ESPL1: variants seen among roughly 807,000 people sequenced by gnomAD.
ESPL1 encodes the protein extra spindle pole bodies like 1, separase.
In ESPL1, 50 loss-of-function variants were observed where a neutral mutation model predicts 217.2. The observed-to-expected ratio is 0.23, with a 90% CI of 0.18 to 0.29. The LOEUF (loss-of-function observed/expected upper bound fraction) is 0.29, where lower values mean the gene tolerates loss of function less well. ESPL1 is among the 10% of genes least tolerant of loss of function. ESPL1 has a pLI of 1.00. For missense variants in ESPL1, 1,834 were observed against 2,603.0 expected (o/e 0.70, Z 6.43); for synonymous variants, 994 against 1,081.3 (o/e 0.92, Z 1.58).
chr12:53,281,562 C>G lies in ESPL1; in HGVS notation c.2555C>G (p.Thr852Arg). 2 of 1,613,678 alleles carry G rather than the reference C, an allele frequency of 1.2e-6. No individual in the cohort carries two copies. The highest frequency in any genetic ancestry group is 2.2e-5 in the South Asian group (2 of 91,072). ...SLKHLDQTTD[T>R]YLLLSLTCDL... is the part of the protein sequence containing the mutation. ...AAGCATCTCGATCAGACTACTGACA[C>G]ATACCTGCTCCTTTCCCTGACCTGT... Residue 852 changes from threonine to arginine, a missense_variant, in exon 13 of 31, where the codon ACA (threonine) becomes AGA (arginine). Thr to Arg is a moderately conservative substitution (Grantham distance 71, BLOSUM62 -1). Transcript: ENST00000257934.
chr12:53,281,497 G>T lies in ESPL1; in HGVS notation c.2500-10G>T. 6.2e-7 allele frequency: 1 copy of T among 1,612,256 alleles called. No individual in the cohort carries two copies. The highest frequency in any genetic ancestry group is 8.5e-7 in the Non-Finnish European group (1 of 1,179,048). On this transcript the variant is annotated splice_polypyrimidine_tract_variant and intron_variant, in intron 12 of 30. Transcript: ENST00000257934. ...GCCTTTCCTCATGTGCCCTCTGATTGCTTCCTTAGTTACACCTGGAAGAGG... is the reference window on the plus strand; with the variant it reads ...GCCTTTCCTCATGTGCCCTCTGATTTCTTCCTTAGTTACACCTGGAAGAGG...
Position 53,289,137 on chromosome 12 carries a change from C to T in ESPL1, c.4756C>T (p.Arg1586Trp), listed in dbSNP as rs1944008820. The T allele has an allele frequency of 3.7e-6, 6 of 1,614,052 alleles. No homozygotes were observed. Among genetic ancestry groups the T allele is most frequent in the South Asian group, 1.1e-5 (1 of 91,088 alleles). Residue 1586 changes from arginine (R) to tryptophan (W), a missense_variant, in exon 21 of 31, where the codon CGG becomes TGG. Transcript: ENST00000257934. ...CTGTGACTCCCTGAGTGTTGCTTTC[C>T]GGGGCATTAGTCACTGTCCTCCTAG... ...SICDSLSVAF[R>W]GISHCPPSGL... is the part of the protein sequence containing the mutation.
At chr12:53,283,957 G>T (rs1592489970) in intron 16 of ESPL1, 101 bp from the exon 17 acceptor site, 2 of 853,600 alleles carry the variant, frequency 2.3e-6, no homozygotes, top group East Asian at 2.4e-5. Context: ...TGGAGGCAGG[G>T]AAGGACTCAG....
intron 12 of ESPL1, among the ~76,000 whole-genome samples, chr12:53,281,220 C>T (rs1943856276): frequency 6.8e-6 from 1 of 146,580 alleles, no homozygotes; most frequent in African/African-American, 2.5e-5. Context: ...TCACTGCAAC[C>T]TCTGCCTCTC....
intron 5 of ESPL1, 88 bp from the exon 6 acceptor site, chr12:53,272,633 C>A: frequency 6.8e-7 from 1 of 1,476,916 alleles, no homozygotes; most frequent in Non-Finnish European, 9.2e-7. Flanking sequence ...GAACTGACCA[C>A]AGATCCAGCT....
chr12:53,285,935 G>A lies in ESPL1; in HGVS notation c.3199G>A (p.Val1067Met). ...LLESCTEFGGVTQHLDSVKKV... is the reference protein window; with the variant it reads ...LLESCTEFGGMTQHLDSVKKV... ...TGCCTTCTCCCCAGAGTTTGGTGGG[G>A]TGACTCAGCACCTGGACTCTGTGAA... The change falls in exon 18 of 31, where the codon GTG becomes ATG. Residue 1067 changes from valine to methionine, a missense_variant. Coordinates refer to ENST00000257934, the MANE Select transcript of ESPL1 (RefSeq NM_012291.5). 1 of 1,520,660 alleles carries A rather than the reference G, an allele frequency of 6.6e-7. No individual in the cohort carries two copies. 94.2% of individuals were successfully genotyped at this position (1,520,660 alleles called of 1,614,324 possible). A position where few individuals can be genotyped will look rare whatever the true frequency, so the allele number is the denominator to read the frequency against.
At chr12:53,273,836 GTTTTTTTTTTT>G (rs71096001) in intron 6 of ESPL1, among the ~76,000 whole-genome samples, 3 of 63,154 alleles carry the variant, frequency 4.8e-5, no homozygotes, top group Non-Finnish European at 7.9e-5. Flanking sequence ...TGGTTTTTTG[GTTTTTTTTTTT>G]TTTTTTTTTT....
chr12:53,278,184 AATAGGGGCCATGCT>A lies in ESPL1; in HGVS notation c.2364+226_2364+239del, dbSNP rs1392217854. 1.1e-3 allele frequency among the ~76,000 whole-genome samples: 166 copies of A among 152,284 alleles called. 1 individual carries two copies. Among genetic ancestry groups the A allele is most frequent in the Non-Finnish European group, 1.5e-5 (1 of 68,024 alleles). ...TAAGCCCAAGTTTCCTTATCTCTAAAATAGGGGCCATGCTACTGCCTCGTGGCGTTATTATTCAG... is the reference window on the plus strand; with the variant it reads ...TAAGCCCAAGTTTCCTTATCTCTAAAACTGCCTCGTGGCGTTATTATTCAG... On this transcript the variant is annotated intron_variant, in intron 11 of 30. Coordinates refer to ENST00000257934, the MANE Select transcript of ESPL1 (RefSeq NM_012291.5).
chr12:53,287,517 A>G (rs571491500), intron 18 of ESPL1: 1 of 154,618 alleles, frequency 6.5e-6, no homozygotes, highest in African/African-American at 2.4e-5. Flanking sequence ...GGCGGGTGCC[A>G]CCACACCCAG....
At chr12:53,283,914 C>G in intron 16 of ESPL1, 144 bp from the exon 17 acceptor site, 1 of 681,372 alleles carries the variant, frequency 1.5e-6, no homozygotes, top group South Asian at 1.7e-5. Flanking sequence ...CCCCAGGGAG[C>G]CTTTAAGTCA....
Position 53,281,624 on chromosome 12 carries a change from A to C in ESPL1, c.2617A>C (p.Lys873Gln), listed in dbSNP as rs1226999486. The C allele has an allele frequency of 6.2e-7, 1 of 1,612,522 alleles. No individual in the cohort carries two copies. The highest frequency in any genetic ancestry group is 1.1e-5 in the South Asian group (1 of 90,854). Residue 873 changes from lysine to glutamine, a missense_variant and splice_region_variant, in exon 13 of 31, where the codon AAG becomes CAG. By Grantham distance (53) the Lys-to-Gln change is moderately conservative. Around this residue, in one of 5 missense-constraint regions of ESPL1, gnomAD observed 746 missense variants for 1,077.0 expected, o/e 0.69. Transcript: ENST00000257934. ...AAGTCAACTCTACTGGACTCACCAG[A>C]AGGTATTTCTCACTTTCTTAAACTC... ...LRSQLYWTHQ[K>Q]VTKGVSLLLS... is the part of the protein sequence containing the mutation.
chr12:53,286,543 C>T lies in ESPL1; in HGVS notation c.3807C>T (p.Leu1269=). The T allele has an allele frequency of 1.2e-6, 2 of 1,614,198 alleles. No homozygotes were observed. Among genetic ancestry groups the T allele is most frequent in the East Asian group, 2.2e-5 (1 of 44,888 alleles). ...PHLEPWRASL[L]LIWALTKLGG... ...TAGAGCCCTGGCGAGCCAGCCTGCT[C>T]TTGATTTGGGCCCTCACAAAACTAG... Residue 1269 remains leucine, a synonymous_variant, in exon 18 of 31, where the codon CTC becomes CTT. Transcript: ENST00000257934. The surrounding 1 kb of genome is among the most constrained non-coding windows in gnomAD (Gnocchi z 5.3).
chr12:53,290,124 C>T lies in ESPL1; in HGVS notation c.5153C>T (p.Pro1718Leu), dbSNP rs1320906961. The T allele has an allele frequency of 6.2e-7, 1 of 1,613,438 alleles. No individual in the cohort carries two copies. The highest frequency in any genetic ancestry group is 8.5e-7 in the Non-Finnish European group (1 of 1,180,020). Residue 1718 changes from proline to leucine, a missense_variant, in exon 23 of 31, where the codon CCC (proline) becomes CTC (leucine). Coordinates refer to ENST00000257934, the MANE Select transcript of ESPL1 (RefSeq NM_012291.5). ...GTGTTGGCCCTGGCCACCCTCCAGC[C>T]CGGAACCGTGGGCAACACCCTCCTG... ...VCVLALATLQ[P>L]GTVGNTLLLT... is the part of the protein sequence containing the mutation.
chr12:53,293,199 C>G lies in ESPL1; in HGVS notation c.6162-74C>G, dbSNP rs1047766815. ...TCAATCCTCTCCACTCACCCACCCC[C>G]ACCACCAATGGTGTTTTCCTATGTA... is the stretch of plus-strand genomic sequence containing the variant. On this transcript the variant is annotated intron_variant, in intron 30 of 30. Coordinates refer to ENST00000257934, the MANE Select transcript of ESPL1 (RefSeq NM_012291.5). The surrounding 1 kb of genome is among the most constrained non-coding windows in gnomAD (Gnocchi z 4.2). 3.1e-6 allele frequency: 4 copies of G among 1,307,542 alleles called. No individual in the cohort carries two copies. The Admixed American group carries it at 7.0e-5, about 23-fold the overall frequency. The allele number at this position is 1,307,542 out of a possible 1,614,324, so 81.0% of individuals were successfully genotyped here.
intron 6 of ESPL1, chr12:53,274,482 G>A (rs1943729741): frequency 4.4e-6 from 1 of 227,948 alleles, no homozygotes; most frequent in Non-Finnish European, 8.8e-6. Context: ...TGACTGGCGG[G>A]AGGGAGAGCG....
At chr12:53,275,978 T>C (rs1943760206) in intron 7 of ESPL1, among the ~76,000 whole-genome samples, 1 of 152,178 alleles carries the variant, frequency 6.6e-6, no homozygotes. Flanking sequence ...GACCTGAGGA[T>C]GTGAAGGAAT....
intron 22 of ESPL1, 94 bp from the exon 23 acceptor site, chr12:53,289,991 G>C: frequency 6.9e-7 from 1 of 1,450,440 alleles, no homozygotes; most frequent in Non-Finnish European, 9.5e-7. Flanking sequence ...GCTTCTTGAT[G>C]CTGGCTTGAG....
In ESPL1 at chr12:53,290,092, T is replaced by G. The variant is rs1944025521; in HGVS notation, c.5121T>G (p.Thr1707=). 6.2e-7 allele frequency: 1 copy of G among 1,609,256 alleles called. No homozygotes were observed. The highest frequency in any genetic ancestry group is 1.7e-5 in the Admixed American group (1 of 59,792). Residue 1707 remains threonine, a synonymous_variant, in exon 23 of 31, where the codon ACT becomes ACG. Transcript: ENST00000257934. ...CTGTATCCTGTGTGTCAGGGGTGAC[T>G]GTGTGTGTGTTGGCCCTGGCCACCC... ...ERLALIPSGV[T]VCVLALATLQ...
intron 6 of ESPL1, among the ~76,000 whole-genome samples, chr12:53,273,816 C>G (rs993419481): frequency 6.8e-6 from 1 of 146,738 alleles, no homozygotes; most frequent in African/African-American, 2.5e-5. Context: ...AGAGTGAGAA[C>G]CTGGGTTCTT....
Sources: gnomAD v4.1 joint callset for allele counts (sites outside exome capture counted in the v4.1 genomes callset) on GRCh38, gnomAD v4.1.1 for gene constraint, gnomAD v4.1.1 regional missense constraint, Gnocchi (gnomAD v3.1) non-coding constraint, MANE v1.5 for transcripts, NCBI Gene and HGNC (gene_info 2026-07-23, HGNC 2026-07-21) for gene names.